ELOVL6: variants seen among roughly 807,000 people sequenced by gnomAD.
ELOVL6 encodes the protein very long chain fatty acid elongase 6.
In ELOVL6, 8 loss-of-function variants were observed where a neutral mutation model predicts 31.7. The observed-to-expected ratio is 0.25, with a 90% CI of 0.15 to 0.45. The LOEUF (loss-of-function observed/expected upper bound fraction) is 0.45, where lower values mean the gene tolerates loss of function less well. ELOVL6 is among the 20% of genes least tolerant of loss of function. ELOVL6 has a pLI of 1.00. For synonymous variants in ELOVL6, 101 were observed against 117.7 expected (o/e 0.86, Z 0.92); for missense variants, 126 against 326.4 (o/e 0.39, Z 4.73).
chr4:110,196,129 A>G (rs1049960730), intron 1 of ELOVL6, among the ~76,000 whole-genome samples: 1 of 152,178 alleles, frequency 6.6e-6, no homozygotes, highest in African/African-American at 2.4e-5. Flanking sequence ...AAAAGCAACA[A>G]GTAAATAAGA....
chr4:110,084,186 C>CATATATGTGATATATATGATAT (rs201356784), intron 2 of ELOVL6, among the ~76,000 whole-genome samples: 520 of 45,076 alleles, frequency 0.012, 30 homozygotes, highest in East Asian at 0.017. Flanking sequence ...ATATATATAA[C>CATATATGTGATATATATGATAT]ATATAACTTA....
At chr4:110,145,001 A>G (rs1758067547) in intron 1 of ELOVL6, among the ~76,000 whole-genome samples, 1 of 152,032 alleles carries the variant, frequency 6.6e-6, no homozygotes, top group East Asian at 1.9e-4. Context: ...TAACATCCTC[A>G]TCAGAGTCTG....
At chr4:110,182,637 G>A (rs925515037) in intron 1 of ELOVL6, among the ~76,000 whole-genome samples, 5 of 152,254 alleles carry the variant, frequency 3.3e-5, no homozygotes, top group South Asian at 2.1e-4. Context: ...GGCCGGGCGC[G>A]GTGGCTCATG....
At chr4:110,153,370 CTACT>C (rs1758333720) in intron 1 of ELOVL6, among the ~76,000 whole-genome samples, 1 of 152,060 alleles carries the variant, frequency 6.6e-6, no homozygotes, top group African/African-American at 2.4e-5. Flanking sequence ...CAATTACTAC[CTACT>C]TATCTCTTTT....
At chr4:110,066,729 C>G (rs1755316528) in intron 2 of ELOVL6, among the ~76,000 whole-genome samples, 1 of 151,596 alleles carries the variant, frequency 6.6e-6, no homozygotes, top group South Asian at 2.1e-4. Flanking sequence ...ACTCTAAACC[C>G]TTTCCACACT....
At chr4:110,131,492 C>CG (rs1290732278) in intron 1 of ELOVL6, among the ~76,000 whole-genome samples, 1 of 152,046 alleles carries the variant, frequency 6.6e-6, no homozygotes, top group Non-Finnish European at 1.5e-5. Context: ...AAAACATGAA[C>CG]GAGGGCTCCA....
intron 1 of ELOVL6, among the ~76,000 whole-genome samples, chr4:110,120,424 T>C (rs535957930): frequency 6.6e-6 from 1 of 152,052 alleles, no homozygotes; most frequent in Non-Finnish European, 1.5e-5. Context: ...TTTGATCAAT[T>C]TGAGGAATTC....
chr4:110,189,353 G>T lies in ELOVL6; in HGVS notation c.89+8894C>A, dbSNP rs180936651. 2.0e-5 allele frequency among the ~76,000 whole-genome samples: 3 copies of T among 152,046 alleles called. No homozygotes were observed. The East Asian group carries it at 5.8e-4, about 30-fold the overall frequency. ...TGTAGTCCCAAAACTTTGGGAGGCC[G>T]AGGTGGGCGGATCACTTGAGGCCAG... On this transcript the variant is annotated intron_variant, in intron 1 of 3. Coordinates refer to ENST00000302274, the MANE Select transcript of ELOVL6 (RefSeq NM_024090.3).
intron 1 of ELOVL6, among the ~76,000 whole-genome samples, chr4:110,145,613 C>T (rs1758082645): frequency 6.6e-6 from 1 of 152,038 alleles, no homozygotes. Context: ...CACTTTTCAG[C>T]TCTATGACCT....
intron 1 of ELOVL6, among the ~76,000 whole-genome samples, chr4:110,157,245 CATA>C (rs1758459476): frequency 6.6e-6 from 1 of 152,110 alleles, no homozygotes; most frequent in African/African-American, 2.4e-5. Flanking sequence ...GAAACTGAAG[CATA>C]ATATGAAATT....
At chr4:110,156,378 T>C (rs945274923) in intron 1 of ELOVL6, among the ~76,000 whole-genome samples, 1 of 152,080 alleles carries the variant, frequency 6.6e-6, no homozygotes, top group Non-Finnish European at 1.5e-5. Flanking sequence ...ATCTAAAATC[T>C]TACTAAATAT....
intron 1 of ELOVL6, among the ~76,000 whole-genome samples, chr4:110,176,588 G>T (rs967144765): frequency 2.6e-5 from 4 of 152,142 alleles, no homozygotes; most frequent in Non-Finnish European, 5.9e-5. Context: ...TGCTAGCGTG[G>T]TCAAAGATAA....
chr4:110,186,741 T>C lies in ELOVL6; in HGVS notation c.89+11506A>G, dbSNP rs1182502453. On this transcript the variant is annotated intron_variant, in intron 1 of 3. Transcript: ENST00000302274. ...ATCACTTGAACCCAGGAGGTGGAGGTTGCAGTGAGTTGAGATTACACCACT... is the reference window on the plus strand; with the variant it reads ...ATCACTTGAACCCAGGAGGTGGAGGCTGCAGTGAGTTGAGATTACACCACT... Among the ~76,000 whole-genome samples, 3 of 144,790 alleles carry C rather than the reference T, an allele frequency of 2.1e-5. No homozygotes were observed. The East Asian group carries it at 6.2e-4, about 30-fold the overall frequency. The allele number at this position is 144,790 out of a possible 152,430, so 95.0% of individuals were successfully genotyped here. A position where few individuals can be genotyped will look rare whatever the true frequency, so the allele number is the denominator to read the frequency against.
At chr4:110,123,550 A>G (rs1757411331) in intron 1 of ELOVL6, among the ~76,000 whole-genome samples, 1 of 152,190 alleles carries the variant, frequency 6.6e-6, no homozygotes, top group Admixed American at 6.5e-5. Flanking sequence ...TTATGGAAAG[A>G]AAAAAAGCAA....
At chr4:110,077,808 T>A (rs1755692524) in intron 2 of ELOVL6, among the ~76,000 whole-genome samples, 1 of 152,068 alleles carries the variant, frequency 6.6e-6, no homozygotes, top group African/African-American at 2.4e-5. Context: ...AGGAGGAAGT[T>A]CGAACCCATG....
chr4:110,078,760 G>T (rs572808078), intron 2 of ELOVL6, among the ~76,000 whole-genome samples: 3 of 152,158 alleles, frequency 2.0e-5, no homozygotes, highest in Non-Finnish European at 4.4e-5. Flanking sequence ...AAATGTAAAT[G>T]GGCTAAATGC....
At chr4:110,112,483 T>C (rs1245843148) in intron 1 of ELOVL6, among the ~76,000 whole-genome samples, 1 of 152,224 alleles carries the variant, frequency 6.6e-6, no homozygotes, top group Non-Finnish European at 1.5e-5. Flanking sequence ...TCAGTAGATA[T>C]GGCTTAATAA....
At chr4:110,189,592 CAAAA>C (rs761765202) in intron 1 of ELOVL6, among the ~76,000 whole-genome samples, 34 of 75,348 alleles carry the variant, frequency 4.5e-4, no homozygotes, top group African/African-American at 1.8e-3. Context: ...GACTCTGTCT[CAAAA>C]AAAAAAAAAA....
rs1471744889 is a variant in ELOVL6, at chr4:110,048,854, A to C, written c.*2484T>G. On this transcript the variant is annotated 3_prime_UTR_variant, in exon 4 of 4. Transcript: ENST00000302274. ...ATTTTACAAGTAAAGACAAACAAAC[A>C]TGAACCTAATACCAAAATGAAAGTG... 1 of 152,252 alleles carries C rather than the reference A, an allele frequency of 6.6e-6. No homozygotes were observed. Among genetic ancestry groups the C allele is most frequent in the East Asian group, 1.9e-4 (1 of 5,200 alleles). 9.4% of individuals were successfully genotyped at this position (152,252 alleles called of 1,614,324 possible). A position where few individuals can be genotyped will look rare whatever the true frequency, so the allele number is the denominator to read the frequency against.
Sources: allele counts gnomAD v4.1 joint callset (sites outside exome capture counted in the v4.1 genomes callset), GRCh38; gene constraint gnomAD v4.1.1; transcripts MANE v1.5; gene names NCBI Gene and HGNC (gene_info 2026-07-23, HGNC 2026-07-21).